AOAH: variants seen among roughly 807,000 people sequenced by gnomAD.
AOAH encodes acyloxyacyl hydrolase, also known as acyloxyacyl hydrolase (neutrophil).
AOAH carries 64 observed loss-of-function variants against 92.2 expected under a neutral mutation model. That is an observed-to-expected ratio of 0.69 (90% CI 0.57 to 0.86). AOAH has a LOEUF of 0.86. Ranked by LOEUF, AOAH falls within the 40% of genes least tolerant of loss-of-function variation. The pLI, the probability that AOAH is intolerant of heterozygous loss-of-function variation, is 0.00. For synonymous variants in AOAH, 263 were observed against 254.5 expected (o/e 1.03, Z -0.32); for missense variants, 656 against 694.6 (o/e 0.94, Z 0.62).
chr7:36,527,523 ATGGAGCTGGGGGGTGGGT>A (rs1340976827), intron 19 of AOAH, among the ~76,000 whole-genome samples: 1 of 151,370 alleles, frequency 6.6e-6, no homozygotes, highest in Non-Finnish European at 1.5e-5. Context: ...ACAGGCGTGA[ATGGAGCTGGGGGGTGGGT>A]TGGACATCAG....
At chr7:36,699,900 T>A (rs929241212) in intron 1 of AOAH, among the ~76,000 whole-genome samples, 9 of 152,092 alleles carry the variant, frequency 5.9e-5, no homozygotes, top group Middle Eastern at 3.2e-3. Context: ...TCTCCCCCAA[T>A]GTTTTCTTCT....
chr7:36,628,530 G>A (rs960226798), intron 6 of AOAH, among the ~76,000 whole-genome samples: 1 of 152,128 alleles, frequency 6.6e-6, no homozygotes, highest in Non-Finnish European at 1.5e-5. Flanking sequence ...TGGGTGATGT[G>A]GGAGACCAGC....
chr7:36,572,426 G>A (rs1788203476), intron 13 of AOAH, among the ~76,000 whole-genome samples: 1 of 152,056 alleles, frequency 6.6e-6, no homozygotes, highest in South Asian at 2.1e-4. Flanking sequence ...GGGAGGCTAA[G>A]GTGGGAGGAT....
At chr7:36,722,592 C>A (rs1188772557) in intron 1 of AOAH, among the ~76,000 whole-genome samples, 1 of 152,104 alleles carries the variant, frequency 6.6e-6, no homozygotes, top group African/African-American at 2.4e-5. Flanking sequence ...CACACCTCTG[C>A]CTTCAGGTCT....
chr7:36,609,000 C>T (rs1485451794), intron 11 of AOAH, among the ~76,000 whole-genome samples: 3 of 151,982 alleles, frequency 2.0e-5, no homozygotes, highest in Non-Finnish European at 4.4e-5. Context: ...CTGGCTGAGA[C>T]CCTGTGGGAA....
At chr7:36,521,471 C>T (rs1177681482) in intron 20 of AOAH, among the ~76,000 whole-genome samples, 1 of 152,214 alleles carries the variant, frequency 6.6e-6, no homozygotes, top group African/African-American at 2.4e-5. Flanking sequence ...CACCCTCTGG[C>T]TCCCCTTGCT....
chr7:36,622,826 A>C (rs947697910), intron 7 of AOAH, among the ~76,000 whole-genome samples: 8 of 152,212 alleles, frequency 5.3e-5, no homozygotes, highest in African/African-American at 1.7e-4. Flanking sequence ...TGGACAGATC[A>C]CTTGAAGTCA....
intron 13 of AOAH, among the ~76,000 whole-genome samples, chr7:36,575,852 G>A (rs1788460048): frequency 6.6e-6 from 1 of 152,198 alleles, no homozygotes; most frequent in Admixed American, 6.5e-5. Flanking sequence ...TTAACTTCAT[G>A]TGCCAAGCCT....
chr7:36,515,525 C>CAA (rs1255052539), intron 20 of AOAH, among the ~76,000 whole-genome samples: 15 of 133,806 alleles, frequency 1.1e-4, no homozygotes, highest in African/African-American at 4.3e-4. Context: ...ACACCACACA[C>CAA]ACCACACCCT....
chr7:36,640,203 C>G (rs1052648911), intron 4 of AOAH, among the ~76,000 whole-genome samples: 3 of 152,122 alleles, frequency 2.0e-5, no homozygotes, highest in Non-Finnish European at 1.5e-5. Context: ...AGAGTGGGAA[C>G]AGAGTCCTGA....
chr7:36,678,059 C>G (rs1463549190), intron 2 of AOAH, among the ~76,000 whole-genome samples: 1 of 152,188 alleles, frequency 6.6e-6, no homozygotes, highest in Non-Finnish European at 1.5e-5. Flanking sequence ...TATGACTGTA[C>G]TGAAAGTCAC....
chr7:36,608,583 A>G (rs1197412066), intron 11 of AOAH, among the ~76,000 whole-genome samples: 2 of 152,232 alleles, frequency 1.3e-5, no homozygotes, highest in African/African-American at 2.4e-5. Context: ...TAGATGAGGA[A>G]ACTAAAGCTC....
intron 9 of AOAH, among the ~76,000 whole-genome samples, chr7:36,619,954 C>G (rs1250484300): frequency 6.6e-6 from 1 of 152,028 alleles, no homozygotes; most frequent in Non-Finnish European, 1.5e-5. Context: ...CCCATCACAG[C>G]CCCTGCCCAT....
chr7:36,527,029 C>G (rs775635083), intron 19 of AOAH, among the ~76,000 whole-genome samples: 7 of 152,206 alleles, frequency 4.6e-5, no homozygotes, highest in Non-Finnish European at 8.8e-5. Context: ...TTTCTTTCCT[C>G]TGTTGGGGAG....
chr7:36,587,465 ATCAAT>A (rs1447814217), intron 12 of AOAH, among the ~76,000 whole-genome samples: 1 of 152,132 alleles, frequency 6.6e-6, no homozygotes, highest in Non-Finnish European at 1.5e-5. Flanking sequence ...CTGAAATTAT[ATCAAT>A]TATCTTTAAT....
chr7:36,595,616 G>A (rs1013922927), intron 11 of AOAH, among the ~76,000 whole-genome samples: 1 of 152,174 alleles, frequency 6.6e-6, no homozygotes, highest in African/African-American at 2.4e-5. Context: ...TAATTTTTTG[G>A]ATTAGTATGT....
chr7:36,639,881 T>A (rs1047295700), intron 4 of AOAH, among the ~76,000 whole-genome samples: 2 of 152,180 alleles, frequency 1.3e-5, no homozygotes, highest in Non-Finnish European at 2.9e-5. Flanking sequence ...AGAAATAAGA[T>A]GAAGCAGAGA....
At chr7:36,553,975 C>T (rs1786486954) in intron 13 of AOAH, among the ~76,000 whole-genome samples, 1 of 151,992 alleles carries the variant, frequency 6.6e-6, no homozygotes, top group South Asian at 2.1e-4. Flanking sequence ...TGTGCAGAAG[C>T]TCTTTAGTTT....
At chr7:36,567,092 G>A (rs563079017) in intron 13 of AOAH, among the ~76,000 whole-genome samples, 98 of 152,214 alleles carry the variant, frequency 6.4e-4, no homozygotes, top group Admixed American at 2.3e-3. Context: ...AATTACAGGC[G>A]TGAGCCACCG....
Sources: allele counts gnomAD v4.1 joint callset (sites outside exome capture counted in the v4.1 genomes callset), GRCh38; gene constraint gnomAD v4.1.1; transcripts MANE v1.5; gene names NCBI Gene and HGNC (gene_info 2026-07-23, HGNC 2026-07-21).